PDE11A: variants seen among roughly 807,000 people sequenced by gnomAD.
The protein encoded by PDE11A is phosphodiesterase 11A.
Under a neutral mutation model 100.5 loss-of-function variants are expected in PDE11A, and 100 were observed. The observed-to-expected ratio is 1.00, with a 90% CI of 0.85 to 1.18. The LOEUF (loss-of-function observed/expected upper bound fraction) is 1.18, where lower values mean the gene tolerates loss of function less well. PDE11A is among the 50% of genes most tolerant of loss of function. PDE11A has a pLI of 0.00. For synonymous variants in PDE11A, 381 were observed against 420.8 expected (o/e 0.91, Z 1.16); for missense variants, 1,141 against 1,152.6 (o/e 0.99, Z 0.15).
At chr2:177,844,939 T>A (rs984244956) in intron 5 of PDE11A, among the ~76,000 whole-genome samples, 5 of 151,830 alleles carry the variant, frequency 3.3e-5, no homozygotes. Flanking sequence ...TGTCTACTTC[T>A]TTCTACACAG....
intron 2 of PDE11A, among the ~76,000 whole-genome samples, chr2:177,950,565 G>A (rs1365831428): frequency 6.6e-6 from 1 of 152,124 alleles, no homozygotes; most frequent in Non-Finnish European, 1.5e-5. Flanking sequence ...GAGATTTTCA[G>A]GATGGGGAGA....
At chr2:177,821,046 C>G (rs1293300414) in intron 6 of PDE11A, among the ~76,000 whole-genome samples, 1 of 151,620 alleles carries the variant, frequency 6.6e-6, no homozygotes, top group African/African-American at 2.4e-5. Context: ...TGTTCTAATA[C>G]AATAGGAGAA....
In PDE11A at chr2:177,886,021, A is replaced by T. The variant is rs1335840739; in HGVS notation, c.1303-10098T>A. Among the ~76,000 whole-genome samples the T allele has an allele frequency of 2.6e-5, 4 of 152,208 alleles. No individual in the cohort carries two copies. The South Asian group carries it at 8.3e-4, about 32-fold the overall frequency. On this transcript the variant is annotated intron_variant, in intron 4 of 19. Coordinates refer to ENST00000286063, the MANE Select transcript of PDE11A (RefSeq NM_016953.4). ...GAACACTTGTAAAAACTAGGACTTG[A>T]GACAGTGCCTTAGGACATAAGATTA...
intron 6 of PDE11A, among the ~76,000 whole-genome samples, chr2:177,831,737 G>A (rs2083311766): frequency 1.3e-5 from 2 of 152,178 alleles, no homozygotes; most frequent in Non-Finnish European, 2.9e-5. Flanking sequence ...CACTGATCAG[G>A]AAAACCCATT....
chr2:177,785,692 G>A (rs1386416439), intron 9 of PDE11A, among the ~76,000 whole-genome samples: 3 of 152,310 alleles, frequency 2.0e-5, no homozygotes, highest in South Asian at 2.1e-4. Flanking sequence ...CTAATACTGC[G>A]CTTTTCCGAC....
At chr2:177,964,472 GTTAT>G (rs1333874174) in intron 2 of PDE11A, among the ~76,000 whole-genome samples, 1 of 151,978 alleles carries the variant, frequency 6.6e-6, no homozygotes, top group Non-Finnish European at 1.5e-5. Context: ...TGTTGTACCG[GTTAT>G]TTAATCACCC....
chr2:177,661,609 T>C (rs1251798161), intron 19 of PDE11A, among the ~76,000 whole-genome samples: 2 of 152,214 alleles, frequency 1.3e-5, no homozygotes, highest in African/African-American at 4.8e-5. Context: ...AAAGTTTCAG[T>C]TGAGGGCTCT....
chr2:177,675,829 T>C (rs2080765032), intron 16 of PDE11A: 10 of 459,808 alleles, frequency 2.2e-5, no homozygotes, highest in South Asian at 1.9e-4. Context: ...TAAAATAATT[T>C]ATAATGGACA....
chr2:177,649,787 C>G (rs564255095), intron 19 of PDE11A, among the ~76,000 whole-genome samples: 1 of 152,174 alleles, frequency 6.6e-6, no homozygotes, highest in Non-Finnish European at 1.5e-5. Flanking sequence ...GGGAGGATCT[C>G]TTTTCTCTGA....
intron 2 of PDE11A, among the ~76,000 whole-genome samples, chr2:177,983,011 A>C (rs1029547253): frequency 6.6e-6 from 1 of 150,502 alleles, no homozygotes; most frequent in Non-Finnish European, 1.5e-5. Flanking sequence ...ACCTGGGGGA[A>C]TTTGCAGTGA....
intron 9 of PDE11A, among the ~76,000 whole-genome samples, chr2:177,777,369 T>A (rs907923160): frequency 3.9e-5 from 6 of 152,210 alleles, no homozygotes; most frequent in African/African-American, 1.4e-4. Flanking sequence ...AAAGTAATTC[T>A]TAATTACTTT....
At chr2:177,988,194 C>T (rs1407747582) in intron 2 of PDE11A, among the ~76,000 whole-genome samples, 1 of 152,212 alleles carries the variant, frequency 6.6e-6, no homozygotes, top group Non-Finnish European at 1.5e-5. Context: ...GTCACCCATG[C>T]TCAGGCTTGG....
chr2:177,847,311 T>G (rs1051292001), intron 5 of PDE11A, among the ~76,000 whole-genome samples: 1 of 152,220 alleles, frequency 6.6e-6, no homozygotes. Context: ...GATAAGTTTT[T>G]GGAAGTTTAA....
rs190673151 is a variant in PDE11A, at chr2:178,091,524, G to A, written c.162+12778C>T. On this transcript the variant is annotated intron_variant, in intron 2 of 20. Transcript: ENST00000358450. ...ACCCACATCACAGGGCTATTGTTGT[G>A]AAGTGTAAATGAGGTAACAGATGTC... Among the ~76,000 whole-genome samples, 41 of 152,324 alleles carry A rather than the reference G, an allele frequency of 2.7e-4. No individual in the cohort carries two copies. The East Asian group carries it at 7.7e-3, about 29-fold the overall frequency.
intron 19 of PDE11A, among the ~76,000 whole-genome samples, chr2:177,635,859 C>T (rs910055524): frequency 1.3e-5 from 2 of 151,492 alleles, no homozygotes; most frequent in African/African-American, 4.9e-5. Flanking sequence ...AATTAGATTT[C>T]CTCATTTTTT....
At chr2:177,965,271 C>G (rs1249127005) in intron 2 of PDE11A, among the ~76,000 whole-genome samples, 1 of 152,124 alleles carries the variant, frequency 6.6e-6, no homozygotes, top group Non-Finnish European at 1.5e-5. Flanking sequence ...GGATGTTAGG[C>G]CTTTGTCAGA....
intron 2 of PDE11A, among the ~76,000 whole-genome samples, chr2:177,969,960 T>C (rs928572851): frequency 4.6e-5 from 7 of 152,234 alleles, no homozygotes; most frequent in Non-Finnish European, 1.0e-4. Context: ...ATGATAATTC[T>C]ATCCAAGAAA....
chr2:177,939,194 A>T (rs907449420), intron 2 of PDE11A, among the ~76,000 whole-genome samples: 1 of 152,194 alleles, frequency 6.6e-6, no homozygotes, highest in Non-Finnish European at 1.5e-5. Context: ...TTGCTAGGCT[A>T]AACATTGTTT....
At chr2:178,071,381 A>G in intron 1 of PDE11A, 145 bp downstream of exon 1, 1 of 914,122 alleles carries the variant, frequency 1.1e-6, no homozygotes, top group Non-Finnish European at 1.7e-6. Context: ...TAACATTCTA[A>G]CTAGTCTAAA....
Sources: gnomAD v4.1 joint callset for allele counts (sites outside exome capture counted in the v4.1 genomes callset) on GRCh38, gnomAD v4.1.1 for gene constraint, MANE v1.5 for transcripts, NCBI Gene and HGNC (gene_info 2026-07-23, HGNC 2026-07-21) for gene names.